The following CADM1 variants were observed in gnomAD, a reference collection of about 807,000 sequenced individuals.
CADM1 encodes the protein cell adhesion molecule 1.
A neutral mutation model predicts 53.1 loss-of-function variants in CADM1; 15 were observed. The ratio of observed to expected loss-of-function variants is 0.28; its 90% CI spans 0.19 to 0.44. The LOEUF (loss-of-function observed/expected upper bound fraction) is 0.44. CADM1 is among the 20% of genes least tolerant of loss of function. The pLI, the probability that CADM1 is intolerant of heterozygous loss-of-function variation, is 1.00. For missense variants in CADM1, 434 were observed against 611.3 expected (o/e 0.71, Z 3.06); for synonymous variants, 281 against 243.0 (o/e 1.16, Z -1.45).
intron 1 of CADM1, among the ~76,000 whole-genome samples, chr11:115,367,277 T>C (rs1217760109): frequency 6.6e-6 from 1 of 152,218 alleles, no homozygotes; most frequent in African/African-American, 2.4e-5. Flanking sequence ...TTTTGTATGA[T>C]ATCCTGAACG....
chr11:115,185,167 G>A (rs1213017384), intron 10 of CADM1, among the ~76,000 whole-genome samples: 1 of 152,156 alleles, frequency 6.6e-6, no homozygotes, highest in Non-Finnish European at 1.5e-5. Flanking sequence ...GTATCATAGG[G>A]ACCTGGTGTT....
chr11:115,459,958 C>G (rs572888265), intron 1 of CADM1, among the ~76,000 whole-genome samples: 1 of 152,030 alleles, frequency 6.6e-6, no homozygotes, highest in African/African-American at 2.4e-5. Context: ...TCTATTAAAC[C>G]CTCTACTGAT....
Position 115,413,322 on chromosome 11 carries a change from T to C in CADM1, c.124+90949A>G, listed in dbSNP as rs145038516. On this transcript the variant is annotated intron_variant, in intron 1 of 11. Transcript: ENST00000331581. ...ACAACAACAACAGAAGACTTAACAT[T>C]CTCATGCCAACTTAAAGCAGTTTTC... 1.4e-4 allele frequency among the ~76,000 whole-genome samples: 22 copies of C among 152,328 alleles called. No homozygotes were observed. The East Asian group carries it at 4.2e-3, about 29-fold the overall frequency.
intron 1 of CADM1, chr11:115,445,840 T>C (rs762046660): frequency 2.3e-5 from 10 of 427,596 alleles, no homozygotes; most frequent in Non-Finnish European, 4.2e-5. Context: ...GTGAGACCTG[T>C]CAAAAAAGAA....
Position 115,217,957 on chromosome 11 carries a change from A to C in CADM1, c.756T>G (p.Pro252=). The change falls in exon 6 of 12, where the codon CCT becomes CCG. Residue 252 remains proline (P), a synonymous_variant. Transcript: ENST00000331581. ...CCCCTTCCCGGGTTAAGCCTTGTAG[A>C]GGATAAGTCATCTGAATGTGCACTT... is the stretch of plus-strand genomic sequence containing the variant. ...KPQVHIQMTY[P]LQGLTREGDA... 7.4e-6 allele frequency: 12 copies of C among 1,613,580 alleles called. No homozygotes were observed. The highest frequency in any genetic ancestry group is 1.0e-5 in the Non-Finnish European group (12 of 1,179,584).
At chr11:115,205,570 C>T (rs550037040) in intron 8 of CADM1, among the ~76,000 whole-genome samples, 7 of 152,266 alleles carry the variant, frequency 4.6e-5, no homozygotes, top group Admixed American at 1.3e-4. Flanking sequence ...TGGCTGTCTC[C>T]ACTTTTTCAC....
intron 1 of CADM1, among the ~76,000 whole-genome samples, chr11:115,349,015 G>C (rs945043465): frequency 6.6e-6 from 1 of 152,176 alleles, no homozygotes; most frequent in Non-Finnish European, 1.5e-5. Flanking sequence ...ACTAAAATTA[G>C]AGCATAAATC....
intron 1 of CADM1, among the ~76,000 whole-genome samples, chr11:115,400,164 A>C (rs1385592748): frequency 6.6e-6 from 1 of 152,200 alleles, no homozygotes; most frequent in African/African-American, 2.4e-5. Flanking sequence ...AAACTTAAAC[A>C]AATTAAAAAC....
intron 1 of CADM1, among the ~76,000 whole-genome samples, chr11:115,343,265 C>T (rs933691821): frequency 6.6e-6 from 1 of 152,126 alleles, no homozygotes; most frequent in Non-Finnish European, 1.5e-5. Flanking sequence ...GGTCAACTCT[C>T]AAGGCTATGA....
At chr11:115,405,807 C>T (rs1056680150) in intron 1 of CADM1, among the ~76,000 whole-genome samples, 5 of 151,936 alleles carry the variant, frequency 3.3e-5, no homozygotes, top group African/African-American at 7.3e-5. Context: ...CAAACATGTT[C>T]GTAGGAAGAT....
At chr11:115,258,554 ACTGT>A (rs1346501122) in intron 1 of CADM1, among the ~76,000 whole-genome samples, 30 of 152,198 alleles carry the variant, frequency 2.0e-4, no homozygotes, top group African/African-American at 7.0e-4. Flanking sequence ...TTGGATCTCA[ACTGT>A]CTAAGATTTG....
rs1938896236 is a variant in CADM1 at position 115,173,962 on chromosome 11, T to C, written c.*2512A>G. ...AAAGTGATCAACCTGTACAAAGTAATACTCAACAATACATTTCAAACAGTG... is the reference window on the plus strand; with the variant it reads ...AAAGTGATCAACCTGTACAAAGTAACACTCAACAATACATTTCAAACAGTG... On this transcript the variant is annotated 3_prime_UTR_variant, in exon 12 of 12. Transcript: ENST00000331581. 1.0e-6 allele frequency: 1 copy of C among 960,924 alleles called. No homozygotes were observed. Among genetic ancestry groups the C allele is most frequent in the Admixed American group, 6.2e-5 (1 of 16,228 alleles). 59.5% of individuals were successfully genotyped at this position (960,924 alleles called of 1,614,324 possible).
At chr11:115,227,738 T>C (rs1489786650) in intron 5 of CADM1, among the ~76,000 whole-genome samples, 1 of 152,214 alleles carries the variant, frequency 6.6e-6, no homozygotes, top group Non-Finnish European at 1.5e-5. Context: ...CATTATGTAA[T>C]GTTAAATTGA....
chr11:115,502,665 G>C (rs942323476), intron 1 of CADM1, among the ~76,000 whole-genome samples: 22 of 152,112 alleles, frequency 1.4e-4, no homozygotes, highest in Non-Finnish European at 2.8e-4. Context: ...TGACGCTGCT[G>C]CCAGACGCCC....
intron 1 of CADM1, among the ~76,000 whole-genome samples, chr11:115,425,188 A>G (rs1365655487): frequency 2.0e-5 from 3 of 152,194 alleles, no homozygotes; most frequent in African/African-American, 7.2e-5. Flanking sequence ...AGTCACCACT[A>G]CAGATTCTGT....
chr11:115,458,013 G>T (rs1030214603), intron 1 of CADM1, among the ~76,000 whole-genome samples: 3 of 152,018 alleles, frequency 2.0e-5, no homozygotes, highest in African/African-American at 7.2e-5. Flanking sequence ...AGAGCAGCAT[G>T]ACTACCTGTG....
At chr11:115,443,168 G>T (rs1388656979) in intron 1 of CADM1, among the ~76,000 whole-genome samples, 2 of 152,060 alleles carry the variant, frequency 1.3e-5, no homozygotes, top group African/African-American at 2.4e-5. Context: ...CTAATTAGGT[G>T]AATGAAGGGG....
At chr11:115,441,099 T>C (rs1948298710) in intron 1 of CADM1, among the ~76,000 whole-genome samples, 1 of 151,398 alleles carries the variant, frequency 6.6e-6, no homozygotes, top group African/African-American at 2.4e-5. Context: ...TTTAGCAATA[T>C]GGACATGGTG....
chr11:115,258,589 G>A (rs534482297), intron 1 of CADM1, among the ~76,000 whole-genome samples: 26 of 152,170 alleles, frequency 1.7e-4, no homozygotes, highest in Non-Finnish European at 3.5e-4. Context: ...CTTAGAGCCA[G>A]GCCCAGAGTC....
Sources: gnomAD v4.1 joint callset for allele counts (sites outside exome capture counted in the v4.1 genomes callset) on GRCh38, gnomAD v4.1.1 for gene constraint, MANE v1.5 for transcripts, NCBI Gene and HGNC (gene_info 2026-07-23, HGNC 2026-07-21) for gene names.